The following PHF24 variants were observed in gnomAD, a reference collection of about 807,000 sequenced individuals.
PHF24 encodes Galpha inhibitory interacting protein.
A neutral mutation model predicts 42.6 loss-of-function variants in PHF24; 25 were observed. That is an observed-to-expected ratio of 0.59 (90% CI 0.43 to 0.82). The LOEUF is 0.82. Ranked by LOEUF, PHF24 falls within the 40% of genes least tolerant of loss-of-function variation. The probability of loss-of-function intolerance (pLI) is 0.00; values close to 1 mark genes in which losing one functional copy is unlikely to be tolerated. For missense variants in PHF24, 470 were observed against 538.1 expected (o/e 0.87, Z 1.25); for synonymous variants, 185 against 204.8 (o/e 0.90, Z 0.83).
At chr9:34,835,947 C>T in the PHF24 span, 30 of 734,826 alleles carry the variant, frequency 4.1e-5, no homozygotes, top group South Asian at 2.8e-4. Context: ...CATTCTCATC[C>T]GCCAGCAACT....
the PHF24 span, among the ~76,000 whole-genome samples, chr9:34,846,984 G>A: frequency 6.6e-6 from 1 of 152,194 alleles, no homozygotes; most frequent in Non-Finnish European, 1.5e-5. Flanking sequence ...CTAGTACCAT[G>A]CTGTTTTGCC....
the PHF24 span, among the ~76,000 whole-genome samples, chr9:34,671,528 A>C: frequency 6.6e-6 from 1 of 152,188 alleles, no homozygotes; most frequent in Non-Finnish European, 1.5e-5. Flanking sequence ...GGCAATGTGA[A>C]TTCCTGGGCT....
chr9:34,955,898 T>C (rs1826360462), upstream of PHF24, among the ~76,000 whole-genome samples: 1 of 152,220 alleles, frequency 6.6e-6, no homozygotes, highest in South Asian at 2.1e-4. Context: ...AACAATAACG[T>C]AGTAAAAGCT....
the PHF24 span, among the ~76,000 whole-genome samples, chr9:34,886,736 A>ATGTC: frequency 9.5e-5 from 14 of 148,144 alleles, no homozygotes; most frequent in African/African-American, 3.5e-4. Context: ...TCATGGTTTT[A>ATGTC]TATCTATCTA....
chr9:34,974,681 T>C (rs1827123629), intron 3 of PHF24, among the ~76,000 whole-genome samples: 1 of 152,200 alleles, frequency 6.6e-6, no homozygotes, highest in Non-Finnish European at 1.5e-5. Context: ...TGACTTCATC[T>C]ACAGCCACCA....
chr9:34,953,790 A>G (rs1156959360), upstream of PHF24, among the ~76,000 whole-genome samples: 1 of 151,986 alleles, frequency 6.6e-6, no homozygotes, highest in Non-Finnish European at 1.5e-5. The surrounding 1 kb of genome is among the most constrained non-coding windows in gnomAD (Gnocchi z 4.1). Flanking sequence ...CAAAAAATAT[A>G]TATATGTTTT....
chr9:34,926,727 C>T, the PHF24 span, among the ~76,000 whole-genome samples: 1 of 151,986 alleles, frequency 6.6e-6, no homozygotes, highest in Non-Finnish European at 1.5e-5. The surrounding 1 kb of genome is among the most constrained non-coding windows in gnomAD (Gnocchi z 4.3). Flanking sequence ...GACACAGCTT[C>T]GTGGCTGCTC....
chr9:34,886,787 G>GTCTAC, the PHF24 span, among the ~76,000 whole-genome samples: 446 of 121,702 alleles, frequency 3.7e-3, 1 homozygote, highest in South Asian at 6.6e-3. Context: ...TGTCTACTCT[G>GTCTAC]TCTATCTACT....
the PHF24 span, among the ~76,000 whole-genome samples, chr9:34,696,417 G>C: frequency 6.7e-6 from 1 of 149,168 alleles, no homozygotes; most frequent in African/African-American, 2.5e-5. Context: ...TAACCCGGGA[G>C]ACAGAAGTTG....
chr9:34,918,204 G>A, the PHF24 span: 689,224 of 1,457,520 alleles, frequency 0.47, 167,290 homozygotes, highest in Admixed American at 0.51. Flanking sequence ...TCACCCCTCT[G>A]CCAACTGTGA....
chr9:34,878,327 C>A, the PHF24 span, among the ~76,000 whole-genome samples: 2 of 152,184 alleles, frequency 1.3e-5, no homozygotes, highest in African/African-American at 4.8e-5. Flanking sequence ...GTGATTTCTG[C>A]ATTTCCAACT....
chr9:34,977,277 C>A, intron 6 of PHF24, 34 bp downstream of exon 6: 1 of 1,548,128 alleles, frequency 6.5e-7, no homozygotes, highest in South Asian at 1.2e-5. Flanking sequence ...CCCCACTCAG[C>A]CTCTCCTCCT....
At chr9:34,732,608 C>G in the PHF24 span, among the ~76,000 whole-genome samples, 22 of 152,226 alleles carry the variant, frequency 1.4e-4, no homozygotes, top group African/African-American at 4.3e-4. Flanking sequence ...TGTGCAGAAG[C>G]TTTTTAACTT....
At chr9:34,828,547 A>G in the PHF24 span, among the ~76,000 whole-genome samples, 3 of 152,146 alleles carry the variant, frequency 2.0e-5, no homozygotes, top group South Asian at 4.1e-4. Context: ...GCTATCACCA[A>G]TTGCTCTCCT....
At chr9:34,958,228 GC>G (rs1358844100), upstream of PHF24, 5 of 85,490 alleles carry the variant, frequency 5.8e-5, no homozygotes, top group East Asian at 2.2e-4. This position sits in a 1 kb window ranked among gnomAD's most constrained non-coding sequence, Gnocchi z 4.5. Context: ...GGCCGCGCGC[GC>G]CGCCGCCGCC....
chr9:34,954,364 C>G (rs1159831819), upstream of PHF24, among the ~76,000 whole-genome samples: 1 of 152,192 alleles, frequency 6.6e-6, no homozygotes, highest in Non-Finnish European at 1.5e-5. Flanking sequence ...GGGTGTCTAC[C>G]TCTGGATCAA....
At chr9:34,726,433 G>T in the PHF24 span, 10 of 1,550,988 alleles carry the variant, frequency 6.4e-6, no homozygotes, top group Admixed American at 1.4e-4. Context: ...GATGCATCCG[G>T]TTCAGGGTTT....
intron 3 of PHF24, among the ~76,000 whole-genome samples, chr9:34,975,702 T>A (rs1317710373): frequency 2.0e-5 from 3 of 152,200 alleles, no homozygotes; most frequent in South Asian, 4.1e-4. Context: ...TAAACTTTTT[T>A]TTTTTTTAAC....
chr9:34,981,478 A>T (rs910195364), exon 8 of PHF24: 49 of 152,312 alleles, frequency 3.2e-4, no homozygotes, highest in African/African-American at 1.1e-3. Flanking sequence ...GCCAAGAGGG[A>T]AGGTCAGCAG....
Sources: gnomAD v4.1 joint callset for allele counts (sites outside exome capture counted in the v4.1 genomes callset) on GRCh38, gnomAD v4.1.1 for gene constraint, Gnocchi (gnomAD v3.1) non-coding constraint, MANE v1.5 for transcripts, NCBI Gene and HGNC (gene_info 2026-07-23, HGNC 2026-07-21) for gene names.